TBCE: variants seen among roughly 807,000 people sequenced by gnomAD.
The protein encoded by TBCE is tubulin folding cofactor E, also known as tubulin-specific chaperone E.
In TBCE, 53 loss-of-function variants were observed where a neutral mutation model predicts 77.0. The observed-to-expected ratio is 0.69, with a 90% confidence interval of 0.55 to 0.87. The LOEUF is 0.87. Ranked by LOEUF, TBCE falls within the 40% of genes least tolerant of loss-of-function variation. The pLI is 0.00. For missense variants in TBCE, 624 were observed against 622.4 expected, an observed-to-expected ratio of 1.00 and a Z score of -0.03; for synonymous variants, 235 against 241.3, an observed-to-expected ratio of 0.97 and a Z score of 0.24.
intron 3 of TBCE, among the ~76,000 whole-genome samples, chr1:235,413,662 C>CA (rs536953879): frequency 0.18 from 22,577 of 124,446 alleles, 2,423 homozygotes; most frequent in African/African-American, 0.34. Context: ...GATTCTGTCT[C>CA]AAAAAAAAAA....
At chr1:235,382,649 T>C (rs1355182620) in intron 2 of TBCE, among the ~76,000 whole-genome samples, 1 of 152,020 alleles carries the variant, frequency 6.6e-6, no homozygotes, top group African/African-American at 2.4e-5. Context: ...TTCGCCCACT[T>C]TTTGATGGGG....
chr1:235,443,185 C>CACATAT (rs375134195), intron 15 of TBCE, among the ~76,000 whole-genome samples: 16 of 139,838 alleles, frequency 1.1e-4, no homozygotes, highest in South Asian at 5.4e-4. Flanking sequence ...CACACACACA[C>CACATAT]ATATATATAT....
intron 13 of TBCE, 61 bp from the exon 14 acceptor site, chr1:235,441,748 GTTTGT>G: frequency 4.8e-6 from 7 of 1,458,164 alleles, no homozygotes; most frequent in Non-Finnish European, 6.7e-6. Context: ...TTGTTTGTTT[GTTTGT>G]TTTGTTTTTA....
chr1:235,384,889 T>C (rs1182822794), intron 2 of TBCE, among the ~76,000 whole-genome samples: 5 of 150,820 alleles, frequency 3.3e-5, no homozygotes, highest in Non-Finnish European at 7.4e-5. Context: ...GCTTTTCTAG[T>C]TCTTTTAATT....
At chr1:235,440,559 A>AT (rs1368784906) in intron 13 of TBCE, among the ~76,000 whole-genome samples, 2 of 151,770 alleles carry the variant, frequency 1.3e-5, no homozygotes, top group South Asian at 2.1e-4. Flanking sequence ...TGCCCGGCTA[A>AT]TTTTTTGTAT....
intron 9 of TBCE, 53 bp from the exon 10 acceptor site, chr1:235,436,333 C>G: frequency 6.5e-7 from 1 of 1,548,574 alleles, no homozygotes; most frequent in Non-Finnish European, 8.9e-7. Context: ...GGTTGATACC[C>G]CATAGCATTT....
chr1:235,368,195 C>G (rs953650504), intron 1 of TBCE, among the ~76,000 whole-genome samples: 2 of 152,150 alleles, frequency 1.3e-5, no homozygotes, highest in African/African-American at 4.8e-5. Context: ...CGTGAGCCAC[C>G]GCGCCCGGCC....
intron 3 of TBCE, among the ~76,000 whole-genome samples, chr1:235,413,003 A>C (rs1679900566): frequency 6.6e-6 from 1 of 151,728 alleles, no homozygotes; most frequent in Non-Finnish European, 1.5e-5. Flanking sequence ...GGGTTTCTTC[A>C]TGTTGGTCAG....
rs765578096 is a variant in TBCE at position 235,414,476 on chromosome 1, T to G, written c.229T>G (p.Phe77Val). 2 of 1,613,882 alleles carry G rather than the reference T, an allele frequency of 1.2e-6. No homozygotes were observed. Residue 77 changes from phenylalanine (F) to valine (V), a missense_variant, in exon 4 of 17, where the codon TTT becomes GTT. Coordinates refer to ENST00000642610, the MANE Select transcript of TBCE (RefSeq NM_003193.5). Reference protein sequence around the residue: ...GSFIRPNKVNFGTDFLTAIKN... With the variant: ...GSFIRPNKVNVGTDFLTAIKN... ...CTTTATTCGTCCGAACAAGGTAAAT[T>G]TTGGAACAGACTTTCTTACTGCAAT...
chr1:235,437,591 C>T (rs573248694), intron 12 of TBCE, 117 bp downstream of exon 12: 35 of 1,226,262 alleles, frequency 2.9e-5, no homozygotes, highest in South Asian at 1.3e-4. Context: ...GCAGGCTGAT[C>T]GCTGCAGTCC....
chr1:235,370,150 T>C (rs190663860), intron 1 of TBCE, among the ~76,000 whole-genome samples: 4 of 152,276 alleles, frequency 2.6e-5, no homozygotes, highest in Non-Finnish European at 5.9e-5. Flanking sequence ...TCATATGACA[T>C]GCCATGTGAT....
chr1:235,447,884 C>CTAAT (rs1682510127), intron 15 of TBCE, among the ~76,000 whole-genome samples: 1 of 151,892 alleles, frequency 6.6e-6, no homozygotes. Context: ...AGGCTTTCCC[C>CTAAT]TAATTACTTA....
At chr1:235,378,186 C>T (rs904578017) in intron 1 of TBCE, among the ~76,000 whole-genome samples, 11 of 151,974 alleles carry the variant, frequency 7.2e-5, no homozygotes, top group African/African-American at 2.7e-4. Flanking sequence ...TTTAAAAATC[C>T]TTGTACTTCA....
rs1679385115 is a variant in TBCE, at chr1:235,405,685, A to C, written c.185+4098A>C. On this transcript the variant is annotated intron_variant, in intron 3 of 16. Transcript: ENST00000642610. ...AGTACACTCTAACATAATGATAAAA[A>C]GTATAGTATAGTGAACACTTAAACT... Among the ~76,000 whole-genome samples, 3 of 152,134 alleles carry C rather than the reference A, an allele frequency of 2.0e-5. No individual in the cohort carries two copies. The South Asian group carries it at 6.2e-4, about 31-fold the overall frequency.
At chr1:235,378,125 GATA>G (rs1317432563) in intron 1 of TBCE, among the ~76,000 whole-genome samples, 1 of 152,120 alleles carries the variant, frequency 6.6e-6, no homozygotes, top group Admixed American at 6.6e-5. Context: ...TATTATATAT[GATA>G]ATATTAAAAT....
At chr1:235,429,803 C>T (rs2055126) in intron 6 of TBCE, 73,493 of 151,506 alleles carry the variant, frequency 0.49, 18,269 homozygotes, top group East Asian at 0.64. Context: ...CTGCAACCTT[C>T]GCCTCCCAGA....
At chr1:235,401,359 A>G (rs954389789) in intron 2 of TBCE, 144 bp from the exon 3 acceptor site, 3 of 710,030 alleles carry the variant, frequency 4.2e-6, no homozygotes, top group South Asian at 3.0e-5. Flanking sequence ...AGTCCTGAGT[A>G]TAAGGCTAAC....
chr1:235,376,896 C>T (rs1677329601), intron 1 of TBCE, among the ~76,000 whole-genome samples: 1 of 152,072 alleles, frequency 6.6e-6, no homozygotes, highest in Non-Finnish European at 1.5e-5. Flanking sequence ...ATCGCTTGAA[C>T]CCGGGAGATG....
intron 2 of TBCE, among the ~76,000 whole-genome samples, chr1:235,395,511 C>G (rs1397124166): frequency 6.6e-6 from 1 of 151,252 alleles, no homozygotes; most frequent in Non-Finnish European, 1.5e-5. Flanking sequence ...GCCCAGCCCC[C>G]CAGCCTTTAG....
Sources: gnomAD v4.1 joint callset for allele counts (sites outside exome capture counted in the v4.1 genomes callset) on GRCh38, gnomAD v4.1.1 for gene constraint, MANE v1.5 for transcripts, NCBI Gene and HGNC (gene_info 2026-07-23, HGNC 2026-07-21) for gene names.